Variants in TBC1D14 observed in about 807,000 individuals in gnomAD.
The protein encoded by TBC1D14 is TBC1 domain family member 14.
In TBC1D14, 26 loss-of-function variants were observed where a neutral mutation model predicts 79.0. The observed-to-expected ratio is 0.33, with a 90% CI of 0.24 to 0.46. The LOEUF is 0.46. TBC1D14 is among the 20% of genes least tolerant of loss of function. The probability of loss-of-function intolerance (pLI) is 1.00; values close to 1 mark genes in which losing one functional copy is unlikely to be tolerated. For synonymous variants in TBC1D14, 394 were observed against 349.9 expected, an observed-to-expected ratio of 1.13 and a Z score of -1.40; for missense variants, 769 against 887.6, an observed-to-expected ratio of 0.87 and a Z score of 1.70.
intron 2 of TBC1D14, among the ~76,000 whole-genome samples, chr4:6,930,665 G>T (rs1711638141): frequency 6.6e-6 from 1 of 152,002 alleles, no homozygotes; most frequent in South Asian, 2.1e-4. Flanking sequence ...GGGCTTGGTG[G>T]TGGGTGCCTG....
rs1391647110 is a variant in TBC1D14, at chr4:6,959,168, A to T, written c.723-8136A>T. 3.3e-5 allele frequency among the ~76,000 whole-genome samples: 5 copies of T among 152,010 alleles called. No individual in the cohort carries two copies. The East Asian group carries it at 9.7e-4, about 29-fold the overall frequency. On this transcript the variant is annotated intron_variant, in intron 2 of 13. Coordinates refer to ENST00000409757, the MANE Select transcript of TBC1D14 (RefSeq NM_020773.3). ...CCAAAGTGCTGGGATTACAGGCGTG[A>T]GCCACCGCGCCCGGCCGAGGATGGT...
chr4:6,999,769 C>T (rs2063282045), intron 6 of TBC1D14, among the ~76,000 whole-genome samples: 1 of 152,166 alleles, frequency 6.6e-6, no homozygotes, highest in Admixed American at 6.5e-5. Context: ...CTCTAGGGCC[C>T]TGTGGTTCTG....
At chr4:6,967,909 G>A (rs952778799) in intron 3 of TBC1D14, among the ~76,000 whole-genome samples, 1 of 152,140 alleles carries the variant, frequency 6.6e-6, no homozygotes, top group Non-Finnish European at 1.5e-5. Flanking sequence ...TTTTGGGGTG[G>A]GGATGGGGTT....
chr4:6,915,441 G>A (rs1723322233), intron 1 of TBC1D14, among the ~76,000 whole-genome samples: 1 of 152,166 alleles, frequency 6.6e-6, no homozygotes, highest in Non-Finnish European at 1.5e-5. Context: ...TACAGGGTGA[G>A]GTGAGCAGAG....
chr4:6,926,323 GCT>G (rs1490868013), intron 2 of TBC1D14, among the ~76,000 whole-genome samples: 1 of 152,202 alleles, frequency 6.6e-6, no homozygotes, highest in Non-Finnish European at 1.5e-5. Context: ...TGGCCACGTT[GCT>G]CTTTCTGCCG....
chr4:6,974,110 C>T (rs991360479), intron 3 of TBC1D14, among the ~76,000 whole-genome samples: 8 of 151,894 alleles, frequency 5.3e-5, no homozygotes, highest in African/African-American at 9.7e-5. Flanking sequence ...AGACATGAGC[C>T]GCTGGGATTA....
intron 1 of TBC1D14, among the ~76,000 whole-genome samples, chr4:6,914,589 C>G (rs541331078): frequency 5.9e-5 from 9 of 152,292 alleles, no homozygotes; most frequent in African/African-American, 2.2e-4. Flanking sequence ...TCTTTCAGCT[C>G]TTTGGGTGGT....
At chr4:7,020,377 T>C (rs2109299031) in intron 12 of TBC1D14, among the ~76,000 whole-genome samples, 1 of 152,382 alleles carries the variant, frequency 6.6e-6, no homozygotes, top group Admixed American at 6.5e-5. Context: ...CAAAATCTAA[T>C]GAGGCTCAGT....
intron 2 of TBC1D14, among the ~76,000 whole-genome samples, chr4:6,947,546 C>T (rs1351126504): frequency 1.3e-5 from 2 of 151,516 alleles, no homozygotes; most frequent in African/African-American, 4.9e-5. Context: ...CCTGTAATCC[C>T]ACCTACTCAG....
At position 6,956,676 on chromosome 4, in the gene TBC1D14, C is replaced by A. The variant is rs141361361; in HGVS notation, c.723-10628C>A. 3.5e-3 allele frequency among the ~76,000 whole-genome samples: 533 copies of A among 152,334 alleles called. 5 individuals carry two copies. Among genetic ancestry groups the A allele is most frequent in the African/African-American group, 0.012 (500 of 41,580 alleles). On this transcript the variant is annotated intron_variant, in intron 2 of 13. Transcript: ENST00000409757. The stretch of plus-strand genomic sequence containing the variant: ...TGTGGAAGGGCAAGGCTGGCATAGC[C>A]ACTGCTTGGTCTCCTCAAAGCCTCT...
chr4:6,933,920 C>T (rs66931928), intron 2 of TBC1D14, among the ~76,000 whole-genome samples: 11,281 of 151,992 alleles, frequency 0.074, 575 homozygotes, highest in Middle Eastern at 0.16. Context: ...AGGGAGGGTG[C>T]GATTTGAAGA....
intron 2 of TBC1D14, among the ~76,000 whole-genome samples, chr4:6,940,136 T>C (rs2108972137): frequency 1.3e-5 from 2 of 152,346 alleles, no homozygotes; most frequent in South Asian, 4.1e-4. Context: ...TAGCCCCATG[T>C]AGCTATTTAA....
At chr4:7,002,585 T>C (rs1719777948) in intron 7 of TBC1D14, among the ~76,000 whole-genome samples, 1 of 152,212 alleles carries the variant, frequency 6.6e-6, no homozygotes, top group African/African-American at 2.4e-5. Context: ...GTGTCTGTCT[T>C]GTATTGTGAA....
intron 13 of TBC1D14, among the ~76,000 whole-genome samples, chr4:7,026,766 G>A (rs569217011): frequency 2.0e-5 from 3 of 152,050 alleles, no homozygotes; most frequent in Non-Finnish European, 2.9e-5. Flanking sequence ...GCATGGTGAC[G>A]TATATCTGTA....
At chr4:6,952,982 C>T (rs1455061176) in intron 2 of TBC1D14, among the ~76,000 whole-genome samples, 1 of 150,912 alleles carries the variant, frequency 6.6e-6, no homozygotes, top group Non-Finnish European at 1.5e-5. Flanking sequence ...CCTAGGATTA[C>T]AGGCACCCAC....
intron 9 of TBC1D14, 47 bp downstream of exon 9, chr4:7,006,773 T>G (rs1265867007): frequency 6.4e-7 from 1 of 1,558,740 alleles, no homozygotes; most frequent in South Asian, 1.1e-5. Context: ...TGTCTAAAAT[T>G]CATAGATGCT....
intron 2 of TBC1D14, among the ~76,000 whole-genome samples, chr4:6,948,448 C>T (rs1366038724): frequency 5.3e-5 from 8 of 152,160 alleles, no homozygotes; most frequent in Non-Finnish European, 1.5e-5. Flanking sequence ...TAGTTTTCGG[C>T]TGTATGGGTA....
At chr4:6,935,548 T>C (rs953282202) in intron 2 of TBC1D14, among the ~76,000 whole-genome samples, 1 of 152,054 alleles carries the variant, frequency 6.6e-6, no homozygotes, top group Non-Finnish European at 1.5e-5. Flanking sequence ...TATCTCTCCC[T>C]TTTCCTCTTC....
At chr4:7,015,552 G>C (rs1282008716) in intron 12 of TBC1D14, among the ~76,000 whole-genome samples, 2 of 152,172 alleles carry the variant, frequency 1.3e-5, no homozygotes, top group African/African-American at 4.8e-5. Flanking sequence ...ATTGGGCCAG[G>C]CAGGTCTTCA....
Sources: gnomAD v4.1 joint callset for allele counts (sites outside exome capture counted in the v4.1 genomes callset) on GRCh38, gnomAD v4.1.1 for gene constraint, MANE v1.5 for transcripts, NCBI Gene and HGNC (gene_info 2026-07-23, HGNC 2026-07-21) for gene names.